Variants in ELF1 observed in about 807,000 individuals in gnomAD.
ELF1 encodes ETS-related transcription factor Elf-1.
Under a neutral mutation model 59.9 loss-of-function variants are expected in ELF1, and 24 were observed. That is an observed-to-expected ratio of 0.40 (90% confidence interval 0.29 to 0.56). ELF1 has a LOEUF of 0.56. Among genes scored for constraint, ELF1 ranks in the 20% least tolerant of loss-of-function variants. The pLI is 0.44. For missense variants in ELF1, 627 were observed against 742.2 expected (o/e 0.84, Z 1.80); for synonymous variants, 248 against 266.2 (o/e 0.93, Z 0.67).
intron 3 of ELF1, among the ~76,000 whole-genome samples, 198 bp downstream of exon 3, chr13:40,958,638 T>C (rs79052690): frequency 0.024 from 3,594 of 152,054 alleles, 55 homozygotes; most frequent in Non-Finnish European, 0.035. Flanking sequence ...AAAGGAGAAA[T>C]GGGAGATGAC....
rs1408309779 is a variant in ELF1, at chr13:40,964,812, G to A, written c.73-5796C>T. Among the ~76,000 whole-genome samples, 3 of 152,234 alleles carry A rather than the reference G, an allele frequency of 2.0e-5. No homozygotes were observed. In the East Asian group the frequency reaches 5.8e-4, roughly 29 times the overall value. ...GGCCTCCCATAGTGTTGGGATTACAGGTGTGAGCCACCGCACCCAGCCCAA... is the reference window on the plus strand; with the variant it reads ...GGCCTCCCATAGTGTTGGGATTACAAGTGTGAGCCACCGCACCCAGCCCAA... On this transcript the variant is annotated intron_variant, in intron 2 of 8. Coordinates refer to ENST00000239882, the MANE Select transcript of ELF1 (RefSeq NM_172373.4).
In ELF1 at chr13:41,059,090, ACTG is replaced by A. The variant is rs1877394848; in HGVS notation, c.-229+1745_-229+1747del. On this transcript the variant is annotated intron_variant, in intron 1 of 1. Transcript: ENST00000405737. ...TTTCAACTACTGTAATTCTTTAGTA[ACTG>A]CTTCTTAATAATGACACACTATTAC... Among the ~76,000 whole-genome samples the A allele has an allele frequency of 2.0e-5, 3 of 152,364 alleles. No homozygotes were observed. The South Asian group carries it at 6.2e-4, about 32-fold the overall frequency.
At chr13:40,991,156 C>A (rs1308277103) in intron 1 of ELF1, among the ~76,000 whole-genome samples, 2 of 152,158 alleles carry the variant, frequency 1.3e-5, no homozygotes, top group East Asian at 3.9e-4. Flanking sequence ...TCATCAAAAA[C>A]AAGGAAGCTT....
chr13:40,975,669 C>CA (rs1872861742), intron 2 of ELF1, among the ~76,000 whole-genome samples: 1 of 152,112 alleles, frequency 6.6e-6, no homozygotes, highest in South Asian at 2.1e-4. Flanking sequence ...AGAATGTGGA[C>CA]AATAGGTCCT....
intron 7 of ELF1, among the ~76,000 whole-genome samples, chr13:40,941,961 C>G (rs185249759): frequency 2.0e-5 from 3 of 152,116 alleles, no homozygotes; most frequent in South Asian, 2.1e-4. Flanking sequence ...ACTCAGCCCC[C>G]CTCTGCCAAC....
At chr13:41,041,629 T>A (rs949156405) in intron 1 of ELF1, among the ~76,000 whole-genome samples, 1 of 152,064 alleles carries the variant, frequency 6.6e-6, no homozygotes, top group Admixed American at 6.6e-5. Flanking sequence ...GAGCCATTAT[T>A]GCGCCACTGC....
intron 1 of ELF1, among the ~76,000 whole-genome samples, chr13:41,051,170 T>C (rs1342967461): frequency 6.6e-6 from 1 of 152,032 alleles, no homozygotes; most frequent in Admixed American, 6.6e-5. Flanking sequence ...AGTAGCACTT[T>C]AAGGGACAGT....
intron 5 of ELF1, among the ~76,000 whole-genome samples, chr13:40,944,314 C>T (rs977770402): frequency 6.6e-6 from 1 of 152,108 alleles, no homozygotes; most frequent in Non-Finnish European, 1.5e-5. Flanking sequence ...GTTTTGTCTG[C>T]CTATTAATTA....
At chr13:41,035,696 A>G (rs1876345323) in intron 1 of ELF1, among the ~76,000 whole-genome samples, 1 of 150,852 alleles carries the variant, frequency 6.6e-6, no homozygotes, top group Admixed American at 6.6e-5. Flanking sequence ...TTAGAGAGAA[A>G]GAGATACAGA....
chr13:40,933,300 TA>T lies in ELF1; in HGVS notation c.*124del. On this transcript the variant is annotated 3_prime_UTR_variant, in exon 9 of 9. Transcript: ENST00000239882. The stretch of plus-strand genomic sequence containing the variant: ...CTCCCTCATCTAACAAAGTCAAAAT[TA>T]ACTCTATTTTTAACAATTACAAAAT... 1 of 1,256,032 alleles carries T rather than the reference TA, an allele frequency of 8.0e-7. No individual in the cohort carries two copies. The highest frequency in any genetic ancestry group is 1.1e-6 in the Non-Finnish European group (1 of 931,984). The allele number at this position is 1,256,032 out of a possible 1,614,324, so 77.8% of individuals were successfully genotyped here.
intron 1 of ELF1, among the ~76,000 whole-genome samples, chr13:41,002,820 T>A (rs1481293961): frequency 1.3e-5 from 2 of 152,096 alleles, no homozygotes; most frequent in Admixed American, 1.3e-4. Context: ...ATAGCAGAAG[T>A]GGGCAAAGTT....
intron 2 of ELF1, among the ~76,000 whole-genome samples, chr13:40,964,160 C>G (rs1423772422): frequency 6.6e-6 from 1 of 152,168 alleles, no homozygotes; most frequent in Non-Finnish European, 1.5e-5. Context: ...ACTCTAGAAC[C>G]ACACATTCTA....
chr13:41,036,656 T>C (rs1220851493), intron 1 of ELF1, among the ~76,000 whole-genome samples: 1 of 152,212 alleles, frequency 6.6e-6, no homozygotes, highest in Non-Finnish European at 1.5e-5. Flanking sequence ...CATGCATACG[T>C]ATGCTTATTG....
At position 40,938,346 on chromosome 13, in the gene ELF1, A is replaced by G. The variant is rs530668571; in HGVS notation, c.1256+2575T>C. On this transcript the variant is annotated intron_variant, in intron 8 of 8. Coordinates refer to ENST00000239882, the MANE Select transcript of ELF1 (RefSeq NM_172373.4). ...CATATATACTGTACACCAATTAAGAAAAGCTTAACTGAATCAACATAGATA... is the reference window on the plus strand; with the variant it reads ...CATATATACTGTACACCAATTAAGAGAAGCTTAACTGAATCAACATAGATA... 2.2e-4 allele frequency among the ~76,000 whole-genome samples: 33 copies of G among 152,352 alleles called. No homozygotes were observed. In the East Asian group the frequency reaches 6.4e-3, roughly 29 times the overall value.
chr13:41,021,353 T>A (rs1875682684), upstream of ELF1, among the ~76,000 whole-genome samples: 1 of 152,196 alleles, frequency 6.6e-6, no homozygotes, highest in South Asian at 2.1e-4. Context: ...TCTTAGCTGT[T>A]CCTAAGGAGA....
intron 1 of ELF1, among the ~76,000 whole-genome samples, chr13:41,055,729 G>C (rs1877263713): frequency 2.0e-5 from 3 of 152,028 alleles, no homozygotes; most frequent in Admixed American, 6.6e-5. Flanking sequence ...CTGTTGCCCA[G>C]GCTGGAGTTC....
intron 1 of ELF1, chr13:41,060,774 G>GA (rs572055690): frequency 2.9e-4 from 48 of 167,482 alleles, no homozygotes; most frequent in African/African-American, 1.1e-3. Context: ...CCACCTGGGT[G>GA]AAAACCAGGA....
intron 1 of ELF1, among the ~76,000 whole-genome samples, chr13:41,052,506 C>T (rs61962752): frequency 0.048 from 7,329 of 152,246 alleles, 253 homozygotes; most frequent in Middle Eastern, 0.092. Flanking sequence ...TTTATTGACT[C>T]TTCATTCAAT....
At chr13:40,967,844 C>T (rs1184735946) in intron 2 of ELF1, among the ~76,000 whole-genome samples, 4 of 152,150 alleles carry the variant, frequency 2.6e-5, no homozygotes, top group East Asian at 1.9e-4. Context: ...TCTCCTGCCT[C>T]GGCCTCCCAA....
Sources: gnomAD v4.1 joint callset for allele counts (sites outside exome capture counted in the v4.1 genomes callset) on GRCh38, gnomAD v4.1.1 for gene constraint, MANE v1.5 for transcripts, NCBI Gene and HGNC (gene_info 2026-07-23, HGNC 2026-07-21) for gene names.